The following FBN2 variants were observed in gnomAD, a reference collection of about 807,000 sequenced individuals.
FBN2 encodes fibrillin 2.
FBN2 carries 105 observed loss-of-function variants against 355.6 expected under a neutral mutation model. That is an observed-to-expected ratio of 0.30 (90% confidence interval 0.25 to 0.35). FBN2 has a LOEUF of 0.35. Among genes scored for constraint, FBN2 ranks in the 10% least tolerant of loss-of-function variants. FBN2 has a pLI of 1.00. For missense variants in FBN2, 3,280 were observed against 3,758.7 expected (o/e 0.87, Z 3.33); for synonymous variants, 1,350 against 1,301.2 (o/e 1.04, Z -0.81).
chr5:128,481,956 T>C (rs1755204320), intron 5 of FBN2, among the ~76,000 whole-genome samples: 1 of 152,120 alleles, frequency 6.6e-6, no homozygotes, highest in Admixed American at 6.6e-5. Context: ...ATACTGTGGG[T>C]TCCATATGTA....
At chr5:128,480,917 G>A (rs1175062536) in intron 5 of FBN2, among the ~76,000 whole-genome samples, 1 of 151,896 alleles carries the variant, frequency 6.6e-6, no homozygotes, top group Non-Finnish European at 1.5e-5. Flanking sequence ...ACCTCACTGT[G>A]GCTTTGATCC....
intron 48 of FBN2, among the ~76,000 whole-genome samples, chr5:128,299,585 C>G (rs1359822851): frequency 6.6e-6 from 1 of 152,154 alleles, no homozygotes; most frequent in Non-Finnish European, 1.5e-5. Flanking sequence ...ACCCGATTCT[C>G]CAGGTGCCGT....
chr5:128,392,372 G>T (rs777820080), intron 10 of FBN2, among the ~76,000 whole-genome samples: 9 of 152,156 alleles, frequency 5.9e-5, no homozygotes, highest in Non-Finnish European at 8.8e-5. Context: ...TGAAAATGCT[G>T]CCCTTAATCA....
At chr5:128,426,913 G>A (rs1308857405) in intron 7 of FBN2, among the ~76,000 whole-genome samples, 2 of 152,132 alleles carry the variant, frequency 1.3e-5, no homozygotes, top group African/African-American at 2.4e-5. Context: ...ACCTCTAAAT[G>A]TTGAAATGTT....
chr5:128,280,414 G>T, intron 55 of FBN2, 97 bp from the exon 56 acceptor site: 1 of 888,268 alleles, frequency 1.1e-6, no homozygotes, highest in Non-Finnish European at 1.8e-6. Flanking sequence ...ACACTTCTTT[G>T]CCAAAATACT....
intron 3 of FBN2, among the ~76,000 whole-genome samples, chr5:128,528,344 A>G (rs1756619895): frequency 2.0e-5 from 3 of 152,196 alleles, no homozygotes; most frequent in African/African-American, 4.8e-5. Context: ...CTATCCTCAC[A>G]GAGCTTGAAT....
intron 5 of FBN2, among the ~76,000 whole-genome samples, chr5:128,471,932 A>G (rs1439108847): frequency 6.6e-6 from 1 of 152,232 alleles, no homozygotes; most frequent in Non-Finnish European, 1.5e-5. Flanking sequence ...TAATAAACAA[A>G]ACAGTTCAAA....
chr5:128,403,199 A>G (rs1430060024), intron 8 of FBN2, among the ~76,000 whole-genome samples: 1 of 152,034 alleles, frequency 6.6e-6, no homozygotes, highest in Non-Finnish European at 1.5e-5. Flanking sequence ...AGGAAAAAAA[A>G]AACCCATATA....
At chr5:128,398,230 A>G (rs555032049) in intron 8 of FBN2, among the ~76,000 whole-genome samples, 3 of 152,218 alleles carry the variant, frequency 2.0e-5, no homozygotes, top group East Asian at 1.9e-4. Flanking sequence ...AAATTCTCAT[A>G]AAGTTCCTAG....
intron 34 of FBN2, among the ~76,000 whole-genome samples, chr5:128,327,271 CCT>C (rs994033153): frequency 1.1e-4 from 17 of 152,176 alleles, no homozygotes; most frequent in African/African-American, 3.9e-4. Context: ...CTGTTCATCC[CCT>C]TTTTCTGAGT....
chr5:128,515,601 A>C (rs1405114382), intron 5 of FBN2, among the ~76,000 whole-genome samples: 2 of 152,208 alleles, frequency 1.3e-5, no homozygotes, highest in East Asian at 3.9e-4. Context: ...TGATTTCATA[A>C]AAGGTAACCT....
Position 128,328,861 on chromosome 5 carries a change from A to C in FBN2, c.4346-40T>G, listed in dbSNP as rs201318182. 4,774 of 1,610,558 alleles carry C rather than the reference A, an allele frequency of 3.0e-3. 13 individuals carry two copies. Among genetic ancestry groups the C allele is most frequent in the Middle Eastern group, 3.8e-3 (23 of 6,040 alleles). The stretch of plus-strand genomic sequence containing the variant: ...AAATTACATCTCTGTTAAGTTCCAA[A>C]TTTCATGACACATTTTCTCCTTGCT... On this transcript the variant is annotated intron_variant, in intron 33 of 64. Coordinates refer to ENST00000262464, the MANE Select transcript of FBN2 (RefSeq NM_001999.4).
intron 34 of FBN2, among the ~76,000 whole-genome samples, chr5:128,321,728 T>C (rs897006750): frequency 1.3e-5 from 2 of 152,232 alleles, no homozygotes; most frequent in African/African-American, 4.8e-5. Context: ...GTCTTTGCTA[T>C]TATGAACAGT....
At chr5:128,517,283 C>T (rs754321341) in intron 5 of FBN2, among the ~76,000 whole-genome samples, 2 of 152,108 alleles carry the variant, frequency 1.3e-5, no homozygotes, top group Non-Finnish European at 2.9e-5. Context: ...GATGAAAGAG[C>T]TACAAAGTTT....
chr5:128,444,479 T>C, intron 7 of FBN2, among the ~76,000 whole-genome samples: 1 of 152,240 alleles, frequency 6.6e-6, no homozygotes, highest in East Asian at 1.9e-4. Flanking sequence ...AAGGCCTTCA[T>C]AAAACCTTTA....
intron 6 of FBN2, among the ~76,000 whole-genome samples, chr5:128,456,890 C>T (rs1754410635): frequency 6.6e-6 from 1 of 152,164 alleles, no homozygotes; most frequent in Middle Eastern, 3.2e-3. Flanking sequence ...GCCAGAGTGC[C>T]TCTTCTCCAA....
intron 31 of FBN2, 66 bp downstream of exon 31, chr5:128,334,653 G>C (rs1750787910): frequency 1.9e-6 from 3 of 1,555,298 alleles, no homozygotes; most frequent in Non-Finnish European, 1.8e-6. Context: ...GAGAACAAAT[G>C]ATGTTGAAAG....
intron 6 of FBN2, among the ~76,000 whole-genome samples, chr5:128,451,280 C>G (rs1754236755): frequency 6.6e-6 from 1 of 152,040 alleles, no homozygotes; most frequent in African/African-American, 2.4e-5. Context: ...ATTTCAGTGT[C>G]TTATTAAAGG....
chr5:128,331,211 G>C (rs1028320274), intron 32 of FBN2, among the ~76,000 whole-genome samples: 1 of 152,166 alleles, frequency 6.6e-6, no homozygotes, highest in Non-Finnish European at 1.5e-5. Context: ...AAGTTACAAG[G>C]TGCCATGAGA....
Sources: gnomAD v4.1 joint callset for allele counts (sites outside exome capture counted in the v4.1 genomes callset) on GRCh38, gnomAD v4.1.1 for gene constraint, MANE v1.5 for transcripts, NCBI Gene and HGNC (gene_info 2026-07-23, HGNC 2026-07-21) for gene names.